FYB1: variants seen among roughly 807,000 people sequenced by gnomAD.
The protein encoded by FYB1 is FYN binding protein 1.
In FYB1, 41 loss-of-function variants were observed where a neutral mutation model predicts 94.1. The observed-to-expected ratio is 0.44, with a 90% CI of 0.34 to 0.57. FYB1 has a LOEUF of 0.57. Among genes scored for constraint, FYB1 ranks in the 20% least tolerant of loss-of-function variants. The pLI is 0.02. For synonymous variants in FYB1, 367 were observed against 353.2 expected (o/e 1.04, Z -0.44); for missense variants, 1,050 against 976.8 (o/e 1.07, Z -1.00).
chr5:39,121,161 T>C (rs995657404), intron 14 of FYB1, among the ~76,000 whole-genome samples: 5 of 131,010 alleles, frequency 3.8e-5, no homozygotes, highest in African/African-American at 1.5e-4. Context: ...TTTTATGGAA[T>C]GTGATGTACA....
At chr5:39,131,224 T>C (rs751474930) in intron 9 of FYB1, among the ~76,000 whole-genome samples, 85 of 152,320 alleles carry the variant, frequency 5.6e-4, no homozygotes, top group Non-Finnish European at 8.7e-4. Flanking sequence ...GTTATAATTG[T>C]CTGTTTTCTT....
chr5:39,156,953 T>A (rs12519950), intron 2 of FYB1, among the ~76,000 whole-genome samples: 4 of 152,128 alleles, frequency 2.6e-5, no homozygotes, highest in Non-Finnish European at 5.9e-5. Context: ...GATAAAAATA[T>A]CTGGGAATAA....
intron 1 of FYB1, among the ~76,000 whole-genome samples, chr5:39,263,366 T>A (rs1305980313): frequency 6.6e-6 from 1 of 152,060 alleles, no homozygotes; most frequent in Non-Finnish European, 1.5e-5. Context: ...TAACTTGTCA[T>A]AGTACAGGAT....
intron 1 of FYB1, among the ~76,000 whole-genome samples, chr5:39,250,500 C>A (rs1230890384): frequency 6.6e-6 from 1 of 152,094 alleles, no homozygotes; most frequent in African/African-American, 2.4e-5. Flanking sequence ...TTTTGTCAAA[C>A]AAAATAAAAC....
intron 2 of FYB1, among the ~76,000 whole-genome samples, chr5:39,162,502 T>C (rs1056672945): frequency 6.6e-6 from 1 of 152,038 alleles, no homozygotes; most frequent in Non-Finnish European, 1.5e-5. Context: ...CTGGCCAACA[T>C]GGTGAAACCC....
chr5:39,169,688 T>C (rs926632063), intron 2 of FYB1: 7 of 442,924 alleles, frequency 1.6e-5, no homozygotes, highest in African/African-American at 1.2e-4. Context: ...CTATTGAAAG[T>C]ACAAAAATTA....
chr5:39,272,155 G>A (rs1439603686), intron 1 of FYB1, among the ~76,000 whole-genome samples: 1 of 152,152 alleles, frequency 6.6e-6, no homozygotes, highest in Non-Finnish European at 1.5e-5. Context: ...ATCTGGGGTT[G>A]AAACTCAGGC....
At chr5:39,209,186 C>T (rs1579686450) in intron 1 of FYB1, among the ~76,000 whole-genome samples, 1 of 152,160 alleles carries the variant, frequency 6.6e-6, no homozygotes, top group East Asian at 1.9e-4. Context: ...CTCAAAACTA[C>T]TCCGACTTAA....
intron 1 of FYB1, among the ~76,000 whole-genome samples, chr5:39,268,766 T>C (rs1043922766): frequency 2.0e-5 from 3 of 152,088 alleles, no homozygotes; most frequent in Non-Finnish European, 4.4e-5. Context: ...GGTTTCATCA[T>C]GTTGGTCAGG....
chr5:39,227,262 CA>C (rs58565928), intron 1 of FYB1, among the ~76,000 whole-genome samples: 1,807 of 150,632 alleles, frequency 0.012, 20 homozygotes, highest in Middle Eastern at 0.02. Flanking sequence ...CTGGTTTGCA[CA>C]AAAAAAAAGT....
intron 3 of FYB1, among the ~76,000 whole-genome samples, chr5:39,147,838 G>A (rs1742813806): frequency 6.7e-6 from 1 of 150,344 alleles, no homozygotes; most frequent in Non-Finnish European, 1.5e-5. Context: ...CCGCCACCAC[G>A]CCCGGCTAAT....
intron 2 of FYB1, among the ~76,000 whole-genome samples, chr5:39,154,343 CG>C (rs1462272921): frequency 6.6e-6 from 1 of 152,062 alleles, no homozygotes; most frequent in Non-Finnish European, 1.5e-5. Context: ...TTTGGAATTA[CG>C]CAGGTTGCCT....
At position 39,107,467 on chromosome 5, in the gene FYB1, TG is replaced by T; in HGVS notation, c.2468-3del. The T allele has an allele frequency of 1.3e-6, 2 of 1,515,058 alleles. No homozygotes were observed. The highest frequency in any genetic ancestry group is 1.3e-5 in the South Asian group (1 of 76,638). The allele number at this position is 1,515,058 out of a possible 1,614,324, so 93.9% of individuals were successfully genotyped here. A position where few individuals can be genotyped will look rare whatever the true frequency, so the allele number is the denominator to read the frequency against. On this transcript the variant is annotated splice_polypyrimidine_tract_variant and splice_region_variant and intron_variant, in intron 18 of 18. Coordinates refer to ENST00000512982, the MANE Select transcript of FYB1 (RefSeq NM_001465.6). ...GCTAGTCATTGTCATAGATGCAGCC[TG>T]AAAGGAAAAAATACAAATTTAAATA... is the stretch of plus-strand genomic sequence containing the variant.
chr5:39,258,774 T>C (rs1175621963), intron 1 of FYB1, among the ~76,000 whole-genome samples: 1 of 151,554 alleles, frequency 6.6e-6, no homozygotes, highest in African/African-American at 2.4e-5. Context: ...AAATATAAAA[T>C]GAAAAAAAAT....
intron 2 of FYB1, 145 bp from the exon 3 acceptor site, chr5:39,153,749 T>C: frequency 1.4e-6 from 1 of 704,010 alleles, no homozygotes; most frequent in Non-Finnish European, 2.4e-6. Flanking sequence ...AGAGTATGTT[T>C]ATTTTATTAT....
In FYB1 at chr5:39,153,534, G is replaced by C; in HGVS notation, c.1206C>G (p.Ser402Arg). 2 of 1,613,908 alleles carry C rather than the reference G, an allele frequency of 1.2e-6. No homozygotes were observed. The highest frequency in any genetic ancestry group is 1.7e-6 in the Non-Finnish European group (2 of 1,179,854). The change falls in exon 3 of 19, where the codon AGC (serine) becomes AGG (arginine). Residue 402 changes from serine (S) to arginine (R), a missense_variant. By Grantham distance (110) the Ser-to-Arg change is moderately radical. Coordinates refer to ENST00000512982, the MANE Select transcript of FYB1 (RefSeq NM_001465.6). The stretch of plus-strand genomic sequence containing the variant: ...GGTGAGATGCTGGCAATGGTGGTTG[G>C]CTGGCCGGATGGGATGGTGGAGGTG... ...LPPPPPSHPA[S>R]QPPLPASHPS...
At chr5:39,128,440 T>C (rs1249214241) in intron 10 of FYB1, among the ~76,000 whole-genome samples, 1 of 152,146 alleles carries the variant, frequency 6.6e-6, no homozygotes, top group Non-Finnish European at 1.5e-5. Flanking sequence ...ATGAGAACTT[T>C]AGCACTGCAA....
At chr5:39,137,371 C>T (rs1227232853) in intron 7 of FYB1, 2 of 353,728 alleles carry the variant, frequency 5.7e-6, no homozygotes, top group Non-Finnish European at 1.0e-5. Flanking sequence ...ATAAAATTTC[C>T]TGGGTGTCCA....
At chr5:39,231,734 G>A (rs1427239788) in intron 1 of FYB1, among the ~76,000 whole-genome samples, 1 of 152,064 alleles carries the variant, frequency 6.6e-6, no homozygotes, top group Admixed American at 6.6e-5. Flanking sequence ...GAGGTGAACA[G>A]AGGTGCAGAG....
Sources: allele counts gnomAD v4.1 joint callset (sites outside exome capture counted in the v4.1 genomes callset), GRCh38; gene constraint gnomAD v4.1.1; transcripts MANE v1.5; gene names NCBI Gene and HGNC (gene_info 2026-07-23, HGNC 2026-07-21).